The following ACAP2 variants were observed in gnomAD, a reference collection of about 807,000 sequenced individuals.
The protein encoded by ACAP2 is ArfGAP with coiled-coil, ankyrin repeat and PH domains 2, also known as arf-GAP with coiled-coil, ANK repeat and PH domain-containing protein 2.
Under a neutral mutation model 115.8 loss-of-function variants are expected in ACAP2, and 39 were observed. That is an observed-to-expected ratio of 0.34 (90% CI 0.26 to 0.44). The LOEUF is 0.44. Among genes scored for constraint, ACAP2 ranks in the 20% least tolerant of loss-of-function variants. The pLI, the probability that ACAP2 is intolerant of heterozygous loss-of-function variation, is 1.00. For synonymous variants in ACAP2, 289 were observed against 315.8 expected (o/e 0.92, Z 0.90); for missense variants, 662 against 927.6 (o/e 0.71, Z 3.72).
chr3:195,366,440 G>A (rs1732729715), intron 4 of ACAP2, among the ~76,000 whole-genome samples: 1 of 152,140 alleles, frequency 6.6e-6, no homozygotes, highest in African/African-American at 2.4e-5. Context: ...TAGAGACACT[G>A]GTGACTCCAG....
At chr3:195,438,009 G>A (rs944688593) in intron 1 of ACAP2, among the ~76,000 whole-genome samples, 9 of 138,392 alleles carry the variant, frequency 6.5e-5, no homozygotes, top group African/African-American at 1.9e-4. Context: ...AAGCCATTGC[G>A]CCCCACCTGC....
intron 11 of ACAP2, among the ~76,000 whole-genome samples, chr3:195,307,554 G>A (rs1427675935): frequency 6.6e-6 from 1 of 152,120 alleles, no homozygotes; most frequent in Non-Finnish European, 1.5e-5. Flanking sequence ...CATATAAAGA[G>A]ACTGGTCCAA....
intron 9 of ACAP2, among the ~76,000 whole-genome samples, chr3:195,324,706 A>T (rs535394011): frequency 6.6e-6 from 1 of 152,234 alleles, no homozygotes; most frequent in East Asian, 1.9e-4. Context: ...GTGAGCAGAG[A>T]TCGCGCCACT....
intron 4 of ACAP2, among the ~76,000 whole-genome samples, chr3:195,346,525 G>A (rs1731198329): frequency 6.6e-6 from 1 of 152,100 alleles, no homozygotes; most frequent in African/African-American, 2.4e-5. Flanking sequence ...TTTTGTGAAA[G>A]ACAAAAACTC....
chr3:195,426,254 G>A (rs1283688149), intron 1 of ACAP2, among the ~76,000 whole-genome samples: 1 of 152,038 alleles, frequency 6.6e-6, no homozygotes, highest in Non-Finnish European at 1.5e-5. Context: ...ACCACCACCT[G>A]CTATCCACCC....
In ACAP2 at chr3:195,345,278, G is replaced by A. The variant is rs1731125657; in HGVS notation, c.325C>T (p.Leu109Phe). The A allele has an allele frequency of 6.2e-7, 1 of 1,611,158 alleles. No individual in the cohort carries two copies. The highest frequency in any genetic ancestry group is 8.5e-7 in the Non-Finnish European group (1 of 1,177,898). ...DQTQRSIKAQ[L>F]QNFVKEDLRK... ...ACTTACTCTTTAACAAAGTTCTGAA[G>A]CTGTGCCTTAATTGATCTCTGAGTT... The change falls in exon 5 of 23, where the codon CTT (leucine) becomes TTT (phenylalanine). Residue 109 changes from leucine to phenylalanine, a missense_variant. Physicochemically the swap from Leu to Phe is conservative, Grantham distance 22. Transcript: ENST00000326793.
intron 10 of ACAP2, among the ~76,000 whole-genome samples, chr3:195,312,177 C>T (rs1300523698): frequency 1.3e-5 from 2 of 151,916 alleles, no homozygotes; most frequent in South Asian, 2.1e-4. Context: ...TCTGTAGAAA[C>T]GTTATCACTA....
At chr3:195,292,029 T>G (rs1727290837) in intron 19 of ACAP2, among the ~76,000 whole-genome samples, 1 of 152,212 alleles carries the variant, frequency 6.6e-6, no homozygotes, top group East Asian at 1.9e-4. Flanking sequence ...ATTTGCAGTT[T>G]GTGAACTAGC....
intron 5 of ACAP2, among the ~76,000 whole-genome samples, chr3:195,343,479 G>C (rs971890520): frequency 6.6e-6 from 1 of 152,146 alleles, no homozygotes; most frequent in Non-Finnish European, 1.5e-5. Flanking sequence ...GATTTCTCAT[G>C]CTGTGGCATG....
chr3:195,393,473 A>G (rs1711511252), intron 1 of ACAP2, among the ~76,000 whole-genome samples: 1 of 152,252 alleles, frequency 6.6e-6, no homozygotes, highest in Non-Finnish European at 1.5e-5. Context: ...TATTCAGTAA[A>G]GAAATGCCTA....
intron 1 of ACAP2, among the ~76,000 whole-genome samples, chr3:195,431,841 G>A (rs567096868): frequency 6.6e-6 from 1 of 152,136 alleles, no homozygotes. Context: ...GGTTCTAACA[G>A]CTCCACATTC....
chr3:195,279,727 A>AC (rs1726364122), intron 22 of ACAP2: 1 of 184,482 alleles, frequency 5.4e-6, no homozygotes, highest in Non-Finnish European at 1.1e-5. Flanking sequence ...TTATTAACAC[A>AC]CGGGGGGGAA....
At chr3:195,280,276 C>T (rs1002641937) in intron 22 of ACAP2, among the ~76,000 whole-genome samples, 2 of 152,084 alleles carry the variant, frequency 1.3e-5, no homozygotes, top group Admixed American at 6.5e-5. Flanking sequence ...AGTTTGAGAC[C>T]GCCCGGCCAA....
At chr3:195,427,441 A>G (rs958873858) in intron 1 of ACAP2, among the ~76,000 whole-genome samples, 3 of 152,144 alleles carry the variant, frequency 2.0e-5, no homozygotes, top group African/African-American at 2.4e-5. Flanking sequence ...GTGCACTGTT[A>G]GATGACTTCT....
chr3:195,279,731 G>C (rs532878439), intron 22 of ACAP2: 7 of 180,538 alleles, frequency 3.9e-5, no homozygotes, highest in South Asian at 3.5e-4. Context: ...TAACACACGG[G>C]GGGGAAAAGT....
Position 195,378,478 on chromosome 3 carries a change from G to A in ACAP2, c.285+2531C>T, listed in dbSNP as rs527424410. 5.4e-5 allele frequency among the ~76,000 whole-genome samples: 8 copies of A among 147,884 alleles called. No individual in the cohort carries two copies. In the East Asian group the frequency reaches 1.1e-3, roughly 20 times the overall value. The stretch of plus-strand genomic sequence containing the variant: ...CTGCACTCCAGCCTGGCAACAGAGC[G>A]AGACTCCGTCTCAAAACAAAAAACA... On this transcript the variant is annotated intron_variant, in intron 4 of 22. Transcript: ENST00000326793.
At chr3:195,386,737 C>T (rs188978514) in intron 2 of ACAP2, among the ~76,000 whole-genome samples, 99 of 151,592 alleles carry the variant, frequency 6.5e-4, no homozygotes, top group African/African-American at 2.3e-3. Flanking sequence ...CACCATGGCA[C>T]ATGTATACCT....
At chr3:195,406,447 T>A (rs1463785987) in intron 1 of ACAP2, among the ~76,000 whole-genome samples, 1 of 152,208 alleles carries the variant, frequency 6.6e-6, no homozygotes, top group Non-Finnish European at 1.5e-5. Context: ...TTAAAACACC[T>A]GTTGATTTCT....
chr3:195,385,423 T>C (rs1431524099), intron 2 of ACAP2, among the ~76,000 whole-genome samples: 1 of 148,878 alleles, frequency 6.7e-6, no homozygotes, highest in Non-Finnish European at 1.5e-5. Flanking sequence ...CTACTTAAGA[T>C]AGAGGTGGCA....
Sources: gnomAD v4.1 joint callset for allele counts (sites outside exome capture counted in the v4.1 genomes callset) on GRCh38, gnomAD v4.1.1 for gene constraint, MANE v1.5 for transcripts, NCBI Gene and HGNC (gene_info 2026-07-23, HGNC 2026-07-21) for gene names.